MAP2K4: variants seen among roughly 807,000 people sequenced by gnomAD.
MAP2K4 encodes the protein dual specificity mitogen-activated protein kinase kinase 4.
In MAP2K4, 4 loss-of-function variants were observed where a neutral mutation model predicts 48.5. The ratio of observed to expected loss-of-function variants is 0.08; its 90% CI spans 0.04 to 0.19. The LOEUF is 0.19. MAP2K4 is among the 10% of genes least tolerant of loss of function. The probability of loss-of-function intolerance (pLI) is 1.00; values close to 1 mark genes in which losing one functional copy is unlikely to be tolerated. For missense variants in MAP2K4, 258 were observed against 493.3 expected, an observed-to-expected ratio of 0.52 and a Z score of 4.52; for synonymous variants, 166 against 173.1, an observed-to-expected ratio of 0.96 and a Z score of 0.32.
chr17:12,132,401 G>GA (rs1973057546), intron 9 of MAP2K4, among the ~76,000 whole-genome samples: 1 of 152,148 alleles, frequency 6.6e-6, no homozygotes. Flanking sequence ...AGAGAAGATA[G>GA]AACCATTGCT....
At chr17:12,127,205 C>G (rs1415454399) in intron 8 of MAP2K4, among the ~76,000 whole-genome samples, 1 of 152,108 alleles carries the variant, frequency 6.6e-6, no homozygotes, top group Admixed American at 6.6e-5. Context: ...ACTTTGTGAC[C>G]AAATATAGGA....
chr17:12,076,180 A>G (rs924677796), intron 2 of MAP2K4, among the ~76,000 whole-genome samples: 5 of 152,118 alleles, frequency 3.3e-5, no homozygotes, highest in East Asian at 1.9e-4. Flanking sequence ...CCACCTGCCT[A>G]TATATGAAGT....
At chr17:12,033,311 C>CA (rs1969496674) in intron 1 of MAP2K4, among the ~76,000 whole-genome samples, 1 of 151,610 alleles carries the variant, frequency 6.6e-6, no homozygotes, top group South Asian at 2.1e-4. Flanking sequence ...TGATATGTGT[C>CA]ATTCTTAAGT....
In MAP2K4 at chr17:12,081,184, TAATCCAGTGTGTAAA is replaced by T. The variant is rs1421867068; in HGVS notation, c.219-169_219-155del. On this transcript the variant is annotated intron_variant, in intron 2 of 10. Transcript: ENST00000353533. This position sits in a 1 kb window ranked among gnomAD's most constrained non-coding sequence, Gnocchi z 4.2. ...TGACTACCTAAATCTAGATCATTCT[TAATCCAGTGTGTAAA>T]AAACCAGGATGACACAAATGAAAAA... Among the ~76,000 whole-genome samples the T allele has an allele frequency of 6.6e-6, 1 of 152,238 alleles. No individual in the cohort carries two copies. The highest frequency in any genetic ancestry group is 1.5e-5 in the Non-Finnish European group (1 of 68,048).
intron 1 of MAP2K4, chr17:12,021,292 C>T (rs1192689219): frequency 1.4e-5 from 3 of 211,796 alleles, no homozygotes; most frequent in East Asian, 9.8e-5. Context: ...GGACCGCCCC[C>T]GCGGCCGTCC....
At chr17:12,073,787 T>G (rs1021610651) in intron 2 of MAP2K4, among the ~76,000 whole-genome samples, 31 of 142,768 alleles carry the variant, frequency 2.2e-4, no homozygotes, top group African/African-American at 7.2e-4. Flanking sequence ...TTTTTTTTTT[T>G]TCTGAGACGG....
chr17:12,121,852 G>A (rs1972704249), intron 7 of MAP2K4, among the ~76,000 whole-genome samples: 1 of 152,092 alleles, frequency 6.6e-6, no homozygotes, highest in African/African-American at 2.4e-5. Context: ...TTACAGACAT[G>A]CCTTTTTTTT....
At chr17:12,025,618 A>G (rs760031161) in intron 1 of MAP2K4, among the ~76,000 whole-genome samples, 1 of 152,246 alleles carries the variant, frequency 6.6e-6, no homozygotes, top group African/African-American at 2.4e-5. Flanking sequence ...TCTGATTTAC[A>G]GAAAACTTTG....
intron 8 of MAP2K4, 119 bp downstream of exon 8, chr17:12,125,490 T>G: frequency 1.3e-6 from 1 of 763,654 alleles, no homozygotes. Context: ...ACACTATGGT[T>G]TTAAGTTGCT....
chr17:12,057,486 A>G (rs1970317551), intron 2 of MAP2K4, among the ~76,000 whole-genome samples: 1 of 152,102 alleles, frequency 6.6e-6, no homozygotes, highest in South Asian at 2.1e-4. Context: ...TATTCTTGAT[A>G]TTCTGTAATT....
intron 1 of MAP2K4, among the ~76,000 whole-genome samples, chr17:12,050,654 C>T (rs1365998464): frequency 6.6e-6 from 1 of 152,204 alleles, no homozygotes; most frequent in Non-Finnish European, 1.5e-5. Flanking sequence ...AAACTATATG[C>T]TCAGCTTAGC....
chr17:12,127,215 A>T (rs1972881851), intron 8 of MAP2K4, among the ~76,000 whole-genome samples: 1 of 152,310 alleles, frequency 6.6e-6, no homozygotes, highest in Non-Finnish European at 1.5e-5. Context: ...CAAATATAGG[A>T]AATACCTTCT....
chr17:12,098,589 A>T (rs1971835854), intron 4 of MAP2K4, among the ~76,000 whole-genome samples: 4 of 151,940 alleles, frequency 2.6e-5, no homozygotes, highest in Non-Finnish European at 5.9e-5. Flanking sequence ...TTTGCAGTTG[A>T]TGACTTAAAC....
At chr17:12,059,586 AT>A (rs984038522) in intron 2 of MAP2K4, among the ~76,000 whole-genome samples, 3 of 152,202 alleles carry the variant, frequency 2.0e-5, no homozygotes, top group Non-Finnish European at 4.4e-5. Context: ...TGCAGATAAC[AT>A]TTTGGGGCTT....
intron 1 of MAP2K4, among the ~76,000 whole-genome samples, chr17:12,046,229 C>A (rs1477948963): frequency 1.3e-5 from 2 of 152,208 alleles, no homozygotes; most frequent in Non-Finnish European, 2.9e-5. Flanking sequence ...TTTTGGGTAT[C>A]CATTTGGAAC....
At chr17:12,131,896 A>T (rs1435740313) in intron 9 of MAP2K4, among the ~76,000 whole-genome samples, 1 of 152,212 alleles carries the variant, frequency 6.6e-6, no homozygotes, top group Admixed American at 6.5e-5. Context: ...CACTTATGAA[A>T]AATAACAACC....
chr17:12,050,918 C>G (rs147983919), intron 1 of MAP2K4, among the ~76,000 whole-genome samples: 1 of 152,224 alleles, frequency 6.6e-6, no homozygotes, highest in East Asian at 1.9e-4. Flanking sequence ...CTTGATGATT[C>G]CATGTTTGGG....
At chr17:12,107,940 T>C (rs765075298) in intron 5 of MAP2K4, 31 bp downstream of exon 5, 2 of 1,560,426 alleles carry the variant, frequency 1.3e-6, no homozygotes, top group East Asian at 2.3e-5. Flanking sequence ...TTATTCATTG[T>C]GTATATAGTT....
intron 10 of MAP2K4, 28 bp from the exon 11 acceptor site, chr17:12,141,119 G>C (rs1480455873): frequency 2.7e-6 from 4 of 1,456,210 alleles, no homozygotes; most frequent in Non-Finnish European, 3.9e-6. Context: ...ACAAACTTTT[G>C]ACTTTTTTGT....
Sources: gnomAD v4.1 joint callset for allele counts (sites outside exome capture counted in the v4.1 genomes callset) on GRCh38, gnomAD v4.1.1 for gene constraint, Gnocchi (gnomAD v3.1) non-coding constraint, MANE v1.5 for transcripts, NCBI Gene and HGNC (gene_info 2026-07-23, HGNC 2026-07-21) for gene names.